Variants in REXO5 observed in about 807,000 individuals in gnomAD.
REXO5 encodes RNA exonuclease 5.
A neutral mutation model predicts 88.5 loss-of-function variants in REXO5; 48 were observed. The ratio of observed to expected loss-of-function variants is 0.54; its 90% CI spans 0.43 to 0.69. REXO5 has a LOEUF of 0.69. Among genes scored for constraint, REXO5 ranks in the 30% least tolerant of loss-of-function variants. The pLI, the probability that REXO5 is intolerant of heterozygous loss-of-function variation, is 0.00. For missense variants in REXO5, 749 were observed against 912.2 expected (o/e 0.82, Z 2.30); for synonymous variants, 311 against 336.5 (o/e 0.92, Z 0.83).
chr16:20,808,651 T>A (rs1266523265), intron 2 of REXO5: 10 of 141,460 alleles, frequency 7.1e-5, no homozygotes, highest in South Asian at 2.3e-4. Flanking sequence ...GGAGTCTCCC[T>A]CTGTTGCCCA....
chr16:20,822,226 T>C (rs375205562), intron 6 of REXO5, among the ~76,000 whole-genome samples: 1 of 152,244 alleles, frequency 6.6e-6, no homozygotes, highest in Non-Finnish European at 1.5e-5. Context: ...ACAGTCAGTA[T>C]GTCTTTAACA....
At chr16:20,825,427 TAATAATAA>T in intron 7 of REXO5, 1 of 155,234 alleles carries the variant, frequency 6.4e-6, no homozygotes, top group Admixed American at 6.5e-5. Context: ...GAAGTGGGGG[TAATAATAA>T]AGCCTACCTC....
At chr16:20,811,187 CT>C (rs2080993127) in intron 2 of REXO5, among the ~76,000 whole-genome samples, 1 of 152,176 alleles carries the variant, frequency 6.6e-6, no homozygotes, top group Non-Finnish European at 1.5e-5. Flanking sequence ...AACTCAGGCT[CT>C]TGACATCCCA....
chr16:20,840,310 AT>A lies in REXO5; in HGVS notation c.1489-19del. 6.6e-7 allele frequency: 1 copy of A among 1,512,736 alleles called. No homozygotes were observed. Among genetic ancestry groups the A allele is most frequent in the Non-Finnish European group, 9.0e-7 (1 of 1,115,352 alleles). The allele number at this position is 1,512,736 out of a possible 1,614,324, so 93.7% of individuals were successfully genotyped here. Reference sequence around the variant, plus strand: ...CTTTCCATATTCATTCCCATACTATATTCTGTTGTTTTTCCTACAGATGAGG... The same window carrying A: ...CTTTCCATATTCATTCCCATACTATATCTGTTGTTTTTCCTACAGATGAGG... On this transcript the variant is annotated intron_variant, in intron 14 of 19. Transcript: ENST00000261377.
chr16:20,816,345 G>C, intron 5 of REXO5, 133 bp downstream of exon 5: 3 of 662,346 alleles, frequency 4.5e-6, no homozygotes, highest in Non-Finnish European at 7.5e-6. Flanking sequence ...TTTTTGAAAC[G>C]GGGGTCTCAC....
At chr16:20,826,980 G>A (rs2081268536) in intron 8 of REXO5, 78 bp from the exon 9 acceptor site, 2 of 1,443,724 alleles carry the variant, frequency 1.4e-6, no homozygotes, top group African/African-American at 2.9e-5. Context: ...TTTAAAAAAT[G>A]TTATTTTTAA....
intron 13 of REXO5, among the ~76,000 whole-genome samples, chr16:20,834,680 T>C (rs2081397813): frequency 6.6e-6 from 1 of 152,146 alleles, no homozygotes; most frequent in Admixed American, 6.5e-5. Context: ...TTATTTTAGA[T>C]TGTTTCCGTT....
At position 20,832,082 on chromosome 16, in the gene REXO5, T is replaced by G. The variant is rs530235242; in HGVS notation, c.1159-74T>G. 72 of 1,037,472 alleles carry G rather than the reference T, an allele frequency of 6.9e-5. No individual in the cohort carries two copies. The African/African-American group carries it at 1.2e-3, about 17-fold the overall frequency. The allele number at this position is 1,037,472 out of a possible 1,614,324, so 64.3% of individuals were successfully genotyped here. On this transcript the variant is annotated intron_variant, in intron 11 of 19. Coordinates refer to ENST00000261377, the MANE Select transcript of REXO5 (RefSeq NM_030941.3). Reference sequence around the variant, plus strand: ...ATTTTTTGCTTTTTGTTGTTGTTGCTTTTTGTTTTGTATTTATTTGAGCAT... The same window carrying G: ...ATTTTTTGCTTTTTGTTGTTGTTGCGTTTTGTTTTGTATTTATTTGAGCAT...
chr16:20,818,602 C>A (rs777012950), intron 5 of REXO5, among the ~76,000 whole-genome samples: 3 of 152,138 alleles, frequency 2.0e-5, no homozygotes, highest in Non-Finnish European at 2.9e-5. Flanking sequence ...TCCTGAGTAG[C>A]TGGGACTACA....
At chr16:20,819,568 C>T (rs1243256941) in intron 5 of REXO5, among the ~76,000 whole-genome samples, 1 of 150,680 alleles carries the variant, frequency 6.6e-6, no homozygotes, top group Non-Finnish European at 1.5e-5. Context: ...CCAGCCTGAC[C>T]AACATGGAGA....
chr16:20,826,496 A>G (rs2081262477), intron 8 of REXO5, among the ~76,000 whole-genome samples: 1 of 152,250 alleles, frequency 6.6e-6, no homozygotes, highest in African/African-American at 2.4e-5. Flanking sequence ...TAGATTCGTG[A>G]TGACTTAGGG....
intron 2 of REXO5, among the ~76,000 whole-genome samples, chr16:20,809,198 T>G (rs1013561306): frequency 1.3e-5 from 2 of 152,212 alleles, no homozygotes; most frequent in Non-Finnish European, 2.9e-5. Flanking sequence ...AAACCTCCCC[T>G]CAACCAACAT....
intron 5 of REXO5, among the ~76,000 whole-genome samples, chr16:20,820,724 T>C (rs947840783): frequency 1.3e-5 from 2 of 150,924 alleles, no homozygotes; most frequent in African/African-American, 4.9e-5. Flanking sequence ...CCACTACACC[T>C]GGCTAATTTT....
intron 16 of REXO5, 84 bp from the exon 17 acceptor site, chr16:20,844,545 A>C: frequency 6.9e-6 from 8 of 1,165,264 alleles, no homozygotes; most frequent in Non-Finnish European, 9.9e-6. Flanking sequence ...TGAAGTTATT[A>C]GTAATGGCAA....
At chr16:20,810,899 G>A (rs559700084) in intron 2 of REXO5, among the ~76,000 whole-genome samples, 21 of 152,238 alleles carry the variant, frequency 1.4e-4, no homozygotes, top group Non-Finnish European at 2.1e-4. Flanking sequence ...ATGACAGGTG[G>A]CTGCCACCAT....
chr16:20,833,035 A>G lies in REXO5; in HGVS notation c.1295A>G (p.Lys432Arg), dbSNP rs1389996694. The change falls in exon 13 of 20, where the codon AAG becomes AGG. Residue 432 changes from lysine to arginine, a missense_variant. Transcript: ENST00000261377. ...GAATGCTTGGATTCAGTGGGTCAGAAGCTTCTTTTTTTGACCCGGGAGACA... is the reference window on the plus strand; with the variant it reads ...GAATGCTTGGATTCAGTGGGTCAGAGGCTTCTTTTTTTGACCCGGGAGACA... Reference protein sequence around the residue: ...VLECLDSVGQKLLFLTRETDA... With the variant: ...VLECLDSVGQRLLFLTRETDA... 7.4e-6 allele frequency: 12 copies of G among 1,613,898 alleles called. No individual in the cohort carries two copies. The highest frequency in any genetic ancestry group is 1.0e-5 in the Non-Finnish European group (12 of 1,179,844).
chr16:20,819,274 G>A (rs946927661), intron 5 of REXO5, among the ~76,000 whole-genome samples: 1 of 151,918 alleles, frequency 6.6e-6, no homozygotes, highest in African/African-American at 2.4e-5. Context: ...CATGATTGCT[G>A]GCTCAAATGG....
chr16:20,815,018 T>C lies in REXO5; in HGVS notation c.343T>C (p.Leu115=), dbSNP rs1422333030. ...MSQLHFYRFY[L]EFGCLRKAFR... ...TCAGCTACACTTTTACAGGTTCTAT[T>C]TGGAGTTTGGATGTCTTCGAAAAGC... is the stretch of plus-strand genomic sequence containing the variant. The change falls in exon 4 of 20, where the codon TTG becomes CTG. Residue 115 remains leucine, a synonymous_variant. Coordinates refer to ENST00000261377, the MANE Select transcript of REXO5 (RefSeq NM_030941.3). 1 of 1,613,662 alleles carries C rather than the reference T, an allele frequency of 6.2e-7. No homozygotes were observed. The highest frequency in any genetic ancestry group is 8.5e-7 in the Non-Finnish European group (1 of 1,179,938).
chr16:20,806,606 G>C lies in REXO5; in HGVS notation c.-102G>C. On this transcript the variant is annotated 5_prime_UTR_variant, in exon 1 of 20. Transcript: ENST00000261377. ...TCTTCTGCGTTTCCCGGGCTAGGGG[G>C]CGTGGGGAGTGGTTTTAGGCGGCGA... is the stretch of plus-strand genomic sequence containing the variant. 1.3e-5 allele frequency: 18 copies of C among 1,413,944 alleles called. No homozygotes were observed. Among genetic ancestry groups the C allele is most frequent in the Non-Finnish European group, 1.7e-5 (18 of 1,075,482 alleles). 87.6% of individuals were successfully genotyped at this position (1,413,944 alleles called of 1,614,324 possible). A position where few individuals can be genotyped will look rare whatever the true frequency, so the allele number is the denominator to read the frequency against.
Sources: gnomAD v4.1 joint callset for allele counts (sites outside exome capture counted in the v4.1 genomes callset) on GRCh38, gnomAD v4.1.1 for gene constraint, MANE v1.5 for transcripts, NCBI Gene and HGNC (gene_info 2026-07-23, HGNC 2026-07-21) for gene names.